Variants in RORA observed in about 807,000 individuals in gnomAD.
The protein encoded by RORA is nuclear receptor ROR-alpha.
In RORA, 7 loss-of-function variants were observed where a neutral mutation model predicts 69.5. The observed-to-expected ratio is 0.10, with a 90% CI of 0.06 to 0.19. The LOEUF (loss-of-function observed/expected upper bound fraction) is 0.19. Among genes scored for constraint, RORA ranks in the 10% least tolerant of loss-of-function variants. RORA has a pLI of 1.00. For missense variants in RORA, 457 were observed against 663.0 expected, an observed-to-expected ratio of 0.69 and a Z score of 3.41; for synonymous variants, 261 against 240.8, an observed-to-expected ratio of 1.08 and a Z score of -0.78.
At chr15:60,940,301 C>A (rs986838240) in intron 1 of RORA, among the ~76,000 whole-genome samples, 1 of 152,092 alleles carries the variant, frequency 6.6e-6, no homozygotes, top group East Asian at 1.9e-4. Context: ...ACAAACTGTA[C>A]GTCCATACGA....
intron 1 of RORA, among the ~76,000 whole-genome samples, chr15:61,194,713 C>T (rs1370555464): frequency 6.6e-6 from 1 of 152,078 alleles, no homozygotes; most frequent in African/African-American, 2.4e-5. Context: ...GCTTCCTGAA[C>T]CTTATTTCAT....
At chr15:60,501,825 CAT>C (rs2065340539) in intron 8 of RORA, among the ~76,000 whole-genome samples, 1 of 152,104 alleles carries the variant, frequency 6.6e-6, no homozygotes, top group Non-Finnish European at 1.5e-5. Context: ...GCATATTTTA[CAT>C]ATAAATGTAT....
chr15:60,616,275 T>C (rs1427319308), intron 2 of RORA, among the ~76,000 whole-genome samples: 1 of 152,220 alleles, frequency 6.6e-6, no homozygotes, highest in African/African-American at 2.4e-5. Context: ...TAAGGGTGTG[T>C]GTGCTCAGGG....
intron 1 of RORA, among the ~76,000 whole-genome samples, chr15:60,955,854 A>G (rs999211401): frequency 1.3e-5 from 2 of 152,228 alleles, no homozygotes; most frequent in African/African-American, 4.8e-5. Context: ...CATTTTGTGT[A>G]TTCCACTGAG....
chr15:61,218,175 T>TTGTGTGTGTGTGTGTG (rs72135304), intron 1 of RORA, among the ~76,000 whole-genome samples: 4 of 148,296 alleles, frequency 2.7e-5, no homozygotes, highest in South Asian at 2.2e-4. Context: ...CATGAAATGT[T>TTGTGTGTGTGTGTGTG]TGTGTGTGTG....
At chr15:61,124,462 G>A (rs1463407168) in intron 1 of RORA, among the ~76,000 whole-genome samples, 1 of 152,124 alleles carries the variant, frequency 6.6e-6, no homozygotes, top group Non-Finnish European at 1.5e-5. Flanking sequence ...TCTCACAAGT[G>A]TTGCTTCTCA....
At chr15:61,121,730 T>C (rs112461798) in intron 1 of RORA, among the ~76,000 whole-genome samples, 6,107 of 151,336 alleles carry the variant, frequency 0.04, 400 homozygotes, top group African/African-American at 0.14. Context: ...CAGGAGAAAC[T>C]GCACAAAAGC....
At chr15:60,550,029 A>T (rs2067186845) in intron 2 of RORA, among the ~76,000 whole-genome samples, 1 of 152,348 alleles carries the variant, frequency 6.6e-6, no homozygotes, top group Non-Finnish European at 1.5e-5. Context: ...GCGGTGGCTC[A>T]CGCCTGTAAT....
intron 1 of RORA, among the ~76,000 whole-genome samples, chr15:61,023,353 T>C (rs1360868287): frequency 6.6e-6 from 1 of 152,100 alleles, no homozygotes; most frequent in Non-Finnish European, 1.5e-5. Flanking sequence ...AAGACACTTC[T>C]TACACAGTGA....
At chr15:60,823,549 A>G (rs550549425) in intron 1 of RORA, among the ~76,000 whole-genome samples, 1 of 152,352 alleles carries the variant, frequency 6.6e-6, no homozygotes, top group Admixed American at 6.5e-5. Flanking sequence ...CAATACACAT[A>G]ATCAACAAAT....
chr15:61,103,472 T>C (rs2078909183), intron 1 of RORA, among the ~76,000 whole-genome samples: 1 of 152,096 alleles, frequency 6.6e-6, no homozygotes, highest in Non-Finnish European at 1.5e-5. Context: ...ACAGGGAGGG[T>C]GGGGTGCCCC....
At position 60,626,636 on chromosome 15, in the gene RORA, C is replaced by T. The variant is rs1217368463; in HGVS notation, c.196+52021G>A. Reference sequence around the variant, plus strand: ...CATGAGGCTGTCGCTGTTATTACCCCCATTTGATAGGACATTTGGGCTTGT... The same window carrying T: ...CATGAGGCTGTCGCTGTTATTACCCTCATTTGATAGGACATTTGGGCTTGT... On this transcript the variant is annotated intron_variant, in intron 2 of 10. Coordinates refer to ENST00000335670, the MANE Select transcript of RORA (RefSeq NM_134261.3). 4.6e-5 allele frequency among the ~76,000 whole-genome samples: 7 copies of T among 152,224 alleles called. No homozygotes were observed. In the East Asian group the frequency reaches 1.4e-3, roughly 29 times the overall value.
In RORA at chr15:60,992,703, T is replaced by C. The variant is rs537209893; in HGVS notation, c.166+236350A>G. On this transcript the variant is annotated intron_variant, in intron 1 of 10. Coordinates refer to ENST00000335670, the MANE Select transcript of RORA (RefSeq NM_134261.3). ...ACCGTGGATGTTTTCAGAGAGCCAT[T>C]CACACAGGTTACAAAGATACAAGAG... 2.6e-5 allele frequency among the ~76,000 whole-genome samples: 4 copies of C among 152,282 alleles called. No individual in the cohort carries two copies. In the East Asian group the frequency reaches 7.7e-4, roughly 29 times the overall value.
chr15:60,596,560 C>G (rs148987048), intron 2 of RORA, among the ~76,000 whole-genome samples: 11 of 152,104 alleles, frequency 7.2e-5, no homozygotes, highest in African/African-American at 2.7e-4. Context: ...ATGGACACAT[C>G]ACAAACTAAC....
Position 60,751,812 on chromosome 15 carries a change from A to C in RORA, c.167-73126T>G, listed in dbSNP as rs1202513404. Among the ~76,000 whole-genome samples the C allele has an allele frequency of 2.0e-5, 3 of 152,216 alleles. No homozygotes were observed. In the East Asian group the frequency reaches 5.8e-4, roughly 29 times the overall value. Reference sequence around the variant, plus strand: ...TGCCCAGGGAGGAGGAACAGAGCTGAGGAACAAAAACAGGCCTCTAAGCTC... The same window carrying C: ...TGCCCAGGGAGGAGGAACAGAGCTGCGGAACAAAAACAGGCCTCTAAGCTC... On this transcript the variant is annotated intron_variant, in intron 1 of 10. Transcript: ENST00000335670.
intron 8 of RORA, 88 bp from the exon 9 acceptor site, chr15:60,501,157 T>C: frequency 1.5e-6 from 1 of 651,056 alleles, no homozygotes; most frequent in South Asian, 1.8e-5. Context: ...AAGGTTCTCC[T>C]AAGTCCAATA....
chr15:61,217,380 A>C (rs568193249), intron 1 of RORA, among the ~76,000 whole-genome samples: 1 of 152,286 alleles, frequency 6.6e-6, no homozygotes, highest in South Asian at 2.1e-4. Flanking sequence ...GGGAGCTTCA[A>C]GAGGGAGAAG....
chr15:60,501,591 G>C (rs976172510), intron 8 of RORA, among the ~76,000 whole-genome samples: 2 of 152,150 alleles, frequency 1.3e-5, no homozygotes, highest in Non-Finnish European at 2.9e-5. Flanking sequence ...TTAACCTATA[G>C]AGTCTAATAG....
intron 1 of RORA, among the ~76,000 whole-genome samples, chr15:60,846,024 C>A (rs910104162): frequency 6.6e-6 from 1 of 152,214 alleles, no homozygotes; most frequent in African/African-American, 2.4e-5. Flanking sequence ...GGATTACAGG[C>A]GTGAGCCACC....
Sources: gnomAD v4.1 joint callset for allele counts (sites outside exome capture counted in the v4.1 genomes callset) on GRCh38, gnomAD v4.1.1 for gene constraint, MANE v1.5 for transcripts, NCBI Gene and HGNC (gene_info 2026-07-23, HGNC 2026-07-21) for gene names.